Variants in POF1B observed in about 807,000 individuals in gnomAD.
POF1B encodes the protein protein POF1B.
A neutral mutation model predicts 55.3 loss-of-function variants in POF1B; 53 were observed. The observed-to-expected ratio is 0.96, with a 90% CI of 0.77 to 1.20. The LOEUF is 1.20. Among genes scored for constraint, POF1B ranks in the 50% most tolerant of loss-of-function variants. The pLI is 0.00. For synonymous variants in POF1B, 188 were observed against 148.3 expected (o/e 1.27, Z -1.95); for missense variants, 478 against 420.5 (o/e 1.14, Z -1.20).
At chrX:85,349,925 A>G (rs1933345366) in intron 5 of POF1B, among the ~76,000 whole-genome samples, 1 of 111,141 alleles carries the variant, frequency 9.0e-6, no homozygotes, top group Non-Finnish European at 1.9e-5. Context: ...GGACATGCTT[A>G]TATGAACTGA....
chrX:85,346,156 C>T (rs945023048), intron 5 of POF1B, 114 bp from the exon 6 acceptor site: 4 of 571,815 alleles, frequency 7.0e-6, no homozygotes, highest in East Asian at 8.5e-5. Flanking sequence ...TAATTCAAAC[C>T]CTAGGATTTA....
At chrX:85,290,917 C>T (rs1932171325) in intron 15 of POF1B, among the ~76,000 whole-genome samples, 1 of 111,813 alleles carries the variant, frequency 8.9e-6, no homozygotes, top group African/African-American at 3.2e-5. Flanking sequence ...TTCTCTTGCT[C>T]AGCAGAAGCT....
At chrX:85,330,230 ATATC>A (rs1460147790) in intron 7 of POF1B, among the ~76,000 whole-genome samples, 7 of 110,397 alleles carry the variant, frequency 6.3e-5, no homozygotes, top group Admixed American at 9.8e-5. Flanking sequence ...TTTTTAATGA[ATATC>A]TATTTAAATC....
At chrX:85,295,877 ACTT>A (rs1345417179) in intron 15 of POF1B, among the ~76,000 whole-genome samples, 1 of 112,345 alleles carries the variant, frequency 8.9e-6, no homozygotes, top group African/African-American at 3.2e-5. Flanking sequence ...GTCCAAAAGA[ACTT>A]CTTTTACAAA....
intron 2 of POF1B, among the ~76,000 whole-genome samples, chrX:85,373,963 G>T (rs1246819257): frequency 9.0e-6 from 1 of 111,116 alleles, no homozygotes; most frequent in Non-Finnish European, 1.9e-5. Flanking sequence ...GACACCAGAA[G>T]GAGAGTTCCA....
At chrX:85,333,959 G>C (rs1603053360) in intron 6 of POF1B, among the ~76,000 whole-genome samples, 2 of 106,633 alleles carry the variant, frequency 1.9e-5, no homozygotes, top group East Asian at 3.0e-4. Flanking sequence ...TTTGGGAGGG[G>C]GGAGGGCTGA....
At chrX:85,298,395 T>C (rs1188015302) in intron 15 of POF1B, among the ~76,000 whole-genome samples, 1 of 111,510 alleles carries the variant, frequency 9.0e-6, no homozygotes, top group African/African-American at 3.3e-5. Flanking sequence ...CTCTTGTAGC[T>C]AGGATGCCAG....
intron 2 of POF1B, among the ~76,000 whole-genome samples, chrX:85,368,116 T>C (rs1237292019): frequency 8.9e-6 from 1 of 111,919 alleles, no homozygotes; most frequent in Non-Finnish European, 1.9e-5. Flanking sequence ...AACTTTTCTT[T>C]CAGTATTTGT....
rs1272483557 is a variant in POF1B at position 85,379,240 on chromosome X, C to T, written c.215G>A (p.Arg72Gln). ...GGTTTTGAGAGGGGAGAGCACTTCC[C>T]GTGAGTTGAAGGGGTCCAAGGCCTG... ...VVQALDPFNS[R>Q]EVLSPLKTTS... The change falls in exon 2 of 17, where the codon CGG becomes CAG. Residue 72 changes from arginine to glutamine, a missense_variant. By Grantham distance (43) the Arg-to-Gln change is conservative (BLOSUM62 1). Coordinates refer to ENST00000262753, the MANE Select transcript of POF1B (RefSeq NM_024921.4). 3 of 1,208,392 alleles carry T rather than the reference C, an allele frequency of 2.5e-6. No homozygotes were observed. The highest frequency in any genetic ancestry group is 3.5e-5 in the African/African-American group (2 of 56,785).
chrX:85,368,345 C>T (rs1476124241), intron 2 of POF1B, among the ~76,000 whole-genome samples: 3 of 110,893 alleles, frequency 2.7e-5, no homozygotes, highest in African/African-American at 6.5e-5. Flanking sequence ...GCTTATTTCA[C>T]GTTGCATGCC....
At chrX:85,315,511 A>G (rs762882522) in intron 8 of POF1B, among the ~76,000 whole-genome samples, 196 bp downstream of exon 8, 133 of 111,308 alleles carry the variant, frequency 1.2e-3, no homozygotes, top group African/African-American at 4.1e-3. Context: ...TTTTTTTGTG[A>G]ATAATTACTA....
At chrX:85,350,038 T>A (rs939162411) in intron 5 of POF1B, among the ~76,000 whole-genome samples, 17 of 110,414 alleles carry the variant, frequency 1.5e-4, no homozygotes, top group African/African-American at 5.6e-4. Flanking sequence ...GCAGTTTTTT[T>A]TATTATTATT....
intron 2 of POF1B, among the ~76,000 whole-genome samples, chrX:85,375,436 C>G (rs1050873245): frequency 2.7e-5 from 3 of 111,325 alleles, no homozygotes; most frequent in African/African-American, 9.8e-5. Context: ...ATTTATCAGA[C>G]CTCCGTTAAA....
chrX:85,341,623 C>T (rs756192101), intron 6 of POF1B, among the ~76,000 whole-genome samples: 1 of 110,181 alleles, frequency 9.1e-6, no homozygotes, highest in East Asian at 2.9e-4. Flanking sequence ...AAAAGGCACT[C>T]ATTTTCAATA....
intron 16 of POF1B, among the ~76,000 whole-genome samples, chrX:85,281,726 A>G (rs1188832092): frequency 9.7e-6 from 1 of 103,313 alleles, no homozygotes; most frequent in Non-Finnish European, 1.9e-5. Context: ...ATCCTAATAT[A>G]TATAATATAT....
At chrX:85,337,476 T>C (rs1467267287) in intron 6 of POF1B, among the ~76,000 whole-genome samples, 1 of 111,846 alleles carries the variant, frequency 8.9e-6, no homozygotes, top group Non-Finnish European at 1.9e-5. Flanking sequence ...AGAAGCTTTT[T>C]TTTGTATGTA....
chrX:85,358,175 C>T (rs899886212), intron 4 of POF1B, among the ~76,000 whole-genome samples: 2 of 111,624 alleles, frequency 1.8e-5, no homozygotes, highest in African/African-American at 6.5e-5. Flanking sequence ...TAAAACAATG[C>T]TAATATCAAG....
intron 2 of POF1B, among the ~76,000 whole-genome samples, chrX:85,370,563 A>G (rs1233473181): frequency 8.9e-6 from 1 of 111,907 alleles, no homozygotes; most frequent in Non-Finnish European, 1.9e-5. Context: ...CATAAGGGGG[A>G]AAACCTCTCT....
intron 3 of POF1B, among the ~76,000 whole-genome samples, chrX:85,364,827 A>G (rs897823313): frequency 3.6e-5 from 4 of 112,287 alleles, no homozygotes; most frequent in Admixed American, 9.4e-5. Flanking sequence ...TTCATGGACC[A>G]TATCCTCAAA....
Sources: allele counts gnomAD v4.1 joint callset (sites outside exome capture counted in the v4.1 genomes callset), GRCh38; gene constraint gnomAD v4.1.1; transcripts MANE v1.5; gene names NCBI Gene and HGNC (gene_info 2026-07-23, HGNC 2026-07-21).